The following TPD52L2 variants were observed in gnomAD, a reference collection of about 807,000 sequenced individuals.
TPD52L2 encodes tumor protein D54.
TPD52L2 carries 19 observed loss-of-function variants against 24.7 expected under a neutral mutation model. The observed-to-expected ratio is 0.77, with a 90% CI of 0.54 to 1.13. The LOEUF is 1.13. Among genes scored for constraint, TPD52L2 ranks in the 50% most tolerant of loss-of-function variants. The pLI is 0.00. For synonymous variants in TPD52L2, 104 were observed against 100.2 expected (o/e 1.04, Z -0.23); for missense variants, 236 against 250.4 (o/e 0.94, Z 0.39).
chr20:63,875,984 C>T (rs745614001), intron 4 of TPD52L2, 109 bp downstream of exon 4: 9 of 1,144,676 alleles, frequency 7.9e-6, no homozygotes, highest in Non-Finnish European at 8.9e-6. Context: ...TTGGTATTTG[C>T]TGGCTATTTT....
intron 3 of TPD52L2, 79 bp downstream of exon 3, chr20:63,873,895 C>G: frequency 7.2e-7 from 1 of 1,390,602 alleles, no homozygotes; most frequent in Middle Eastern, 2.6e-4. Context: ...GGGGGGGCGT[C>G]GTCATGCCCA....
chr20:63,865,421 C>T, intron 1 of TPD52L2, 37 bp downstream of exon 1: 1 of 1,512,568 alleles, frequency 6.6e-7, no homozygotes, highest in Non-Finnish European at 8.8e-7. Context: ...CGCAGATGGG[C>T]CCAGGCTGCC....
chr20:63,866,128 C>T (rs184609876), intron 1 of TPD52L2, among the ~76,000 whole-genome samples: 3 of 151,940 alleles, frequency 2.0e-5, no homozygotes, highest in Admixed American at 1.3e-4. Flanking sequence ...TTTTTTGAGA[C>T]GGAGTCTTGC....
chr20:63,887,752 C>A, intron 5 of TPD52L2: 2 of 788,356 alleles, frequency 2.5e-6, no homozygotes, highest in Non-Finnish European at 4.2e-6. Flanking sequence ...GACTAAGGGC[C>A]GGTAAAAACC....
rs192996115 is a variant in TPD52L2 at position 63,886,462 on chromosome 20, G to A, written c.477-2728G>A. 5.4e-4 allele frequency among the ~76,000 whole-genome samples: 82 copies of A among 150,866 alleles called. 1 individual carries two copies. The highest frequency in any genetic ancestry group is 4.4e-3 in the South Asian group (21 of 4,806). ...TGCAAGCTCCGCCTCCCGGGTTCAC[G>A]CCATTCTCCTGCCTCAGCCTCTCCG... On this transcript the variant is annotated intron_variant, in intron 5 of 6. Transcript: ENST00000346249.
intron 6 of TPD52L2, among the ~76,000 whole-genome samples, chr20:63,889,625 T>G (rs2053259762): frequency 6.6e-6 from 1 of 152,230 alleles, no homozygotes; most frequent in South Asian, 2.1e-4. Flanking sequence ...GTCACGTAAA[T>G]GGAACGATAC....
chr20:63,867,790 GT>G (rs764790449), intron 1 of TPD52L2, among the ~76,000 whole-genome samples: 80 of 134,526 alleles, frequency 5.9e-4, no homozygotes, highest in African/African-American at 1.1e-3. Context: ...CTTTTCTTTT[GT>G]TTTTTTTTTT....
chr20:63,885,544 C>T (rs150009799), intron 5 of TPD52L2, among the ~76,000 whole-genome samples: 109 of 152,350 alleles, frequency 7.2e-4, no homozygotes, highest in African/African-American at 2.1e-3. Context: ...TCCCACGGTG[C>T]GTGTGCTCCC....
intron 1 of TPD52L2, 152 bp from the exon 2 acceptor site, chr20:63,869,144 C>T: frequency 1.2e-6 from 1 of 828,440 alleles, no homozygotes; most frequent in Non-Finnish European, 2.0e-6. Flanking sequence ...GTCTACTGCC[C>T]ATGCTGTCCT....
chr20:63,884,888 C>G (rs943993853), intron 5 of TPD52L2, among the ~76,000 whole-genome samples: 43 of 152,208 alleles, frequency 2.8e-4, no homozygotes, highest in African/African-American at 9.6e-4. Context: ...GTCCTGTTTG[C>G]TGGTGTGTCT....
At chr20:63,888,163 G>A (rs969416395) in intron 5 of TPD52L2, 1 of 157,614 alleles carries the variant, frequency 6.3e-6, no homozygotes, top group African/African-American at 2.4e-5. Flanking sequence ...TCTCCTTGTG[G>A]GGACTCTGGC....
At chr20:63,872,920 A>G (rs1003413072) in intron 2 of TPD52L2, among the ~76,000 whole-genome samples, 5 of 150,844 alleles carry the variant, frequency 3.3e-5, no homozygotes, top group African/African-American at 7.3e-5. Context: ...TAACTGTGTT[A>G]GCCAGGATGG....
rs568939365 is a variant in TPD52L2, at chr20:63,878,377, G to A, written c.374+2502G>A. 3.3e-5 allele frequency among the ~76,000 whole-genome samples: 5 copies of A among 152,350 alleles called. No individual in the cohort carries two copies. The South Asian group carries it at 1.0e-3, about 32-fold the overall frequency. On this transcript the variant is annotated intron_variant, in intron 4 of 6. Coordinates refer to ENST00000346249, the MANE Select transcript of TPD52L2 (RefSeq NM_003288.4). ...TGTTGCATTCTATTTATAGGCAGAGGTAACTAAAAACCTCAGTGCTGAGAG... is the reference window on the plus strand; with the variant it reads ...TGTTGCATTCTATTTATAGGCAGAGATAACTAAAAACCTCAGTGCTGAGAG...
At chr20:63,880,706 C>T (rs377758439) in intron 4 of TPD52L2, among the ~76,000 whole-genome samples, 190 of 151,900 alleles carry the variant, frequency 1.3e-3, no homozygotes, top group African/African-American at 4.3e-3. Context: ...CTGGCTAACA[C>T]GGTGAAACTC....
At position 63,871,356 on chromosome 20, in the gene TPD52L2, T is replaced by C. The variant is rs1056322947; in HGVS notation, c.165+1915T>C. Among the ~76,000 whole-genome samples the C allele has an allele frequency of 2.9e-5, 4 of 138,068 alleles. No homozygotes were observed. The Admixed American group carries it at 2.9e-4, about 10-fold the overall frequency. The allele number at this position is 138,068 out of a possible 152,430, so 90.6% of individuals were successfully genotyped here. A position where few individuals can be genotyped will look rare whatever the true frequency, so the allele number is the denominator to read the frequency against. Reference sequence around the variant, plus strand: ...CTGTACCCAGCCAAGAAAGAGAATTTTTTTTTTTTTAAGGACGGAGTCTCA... The same window carrying C: ...CTGTACCCAGCCAAGAAAGAGAATTCTTTTTTTTTTAAGGACGGAGTCTCA... On this transcript the variant is annotated intron_variant, in intron 2 of 6. Transcript: ENST00000346249.
At chr20:63,875,141 C>CAAAA (rs869224477) in intron 3 of TPD52L2, among the ~76,000 whole-genome samples, 1 of 131,844 alleles carries the variant, frequency 7.6e-6, no homozygotes, top group African/African-American at 2.7e-5. Flanking sequence ...GACTCTGTCT[C>CAAAA]AAAAAAAAAA....
At chr20:63,866,197 C>T (rs2052224303) in intron 1 of TPD52L2, among the ~76,000 whole-genome samples, 1 of 151,948 alleles carries the variant, frequency 6.6e-6, no homozygotes, top group East Asian at 1.9e-4. Flanking sequence ...CTCGACCTCC[C>T]GGGTTCAAGC....
At chr20:63,865,627 G>C (rs2052188013) in intron 1 of TPD52L2, among the ~76,000 whole-genome samples, 1 of 152,218 alleles carries the variant, frequency 6.6e-6, no homozygotes, top group Non-Finnish European at 1.5e-5. Context: ...CCCTGGGACC[G>C]TTCCGAGGTG....
intron 4 of TPD52L2, among the ~76,000 whole-genome samples, chr20:63,882,389 A>G (rs898383616): frequency 1.3e-5 from 2 of 152,264 alleles, no homozygotes; most frequent in African/African-American, 2.4e-5. Flanking sequence ...AAGACAGGAA[A>G]GCGAGCTTAG....
Sources: gnomAD v4.1 joint callset for allele counts (sites outside exome capture counted in the v4.1 genomes callset) on GRCh38, gnomAD v4.1.1 for gene constraint, MANE v1.5 for transcripts, NCBI Gene and HGNC (gene_info 2026-07-23, HGNC 2026-07-21) for gene names.